The following SASH1 variants were observed in gnomAD, a reference collection of about 807,000 sequenced individuals.
SASH1 encodes the protein SAM and SH3 domain containing 1, also known as SAM and SH3 domain-containing protein 1.
A neutral mutation model predicts 125.2 loss-of-function variants in SASH1; 44 were observed. That is an observed-to-expected ratio of 0.35 (90% CI 0.28 to 0.45). The LOEUF (loss-of-function observed/expected upper bound fraction) is 0.45, where lower values mean the gene tolerates loss of function less well. SASH1 is among the 20% of genes least tolerant of loss of function. SASH1 has a pLI of 1.00. For synonymous variants in SASH1, 639 were observed against 649.1 expected (o/e 0.98, Z 0.24); for missense variants, 1,426 against 1,614.5 (o/e 0.88, Z 2.00).
the SASH1 span, among the ~76,000 whole-genome samples, chr6:148,197,028 C>T: frequency 6.6e-6 from 1 of 152,254 alleles, no homozygotes; most frequent in South Asian, 2.1e-4. Flanking sequence ...TGGAGCAGAT[C>T]CTGGAGAGTC....
chr6:148,321,484 A>C (rs533179096), intron 1 of SASH1, among the ~76,000 whole-genome samples: 1 of 152,172 alleles, frequency 6.6e-6, no homozygotes, highest in East Asian at 1.9e-4. Context: ...AAACAGAGGA[A>C]CCCCTGAGAT....
intron 1 of SASH1, 97 bp downstream of exon 1, chr6:148,343,320 A>G: frequency 8.3e-7 from 1 of 1,205,346 alleles, no homozygotes; most frequent in Non-Finnish European, 1.2e-6. Context: ...TGGGCAACCC[A>G]CTCCGCAGAG....
Position 148,548,706 on chromosome 6 carries a change from A to G in SASH1, c.*148A>G. ...GCCAAACAGCGTGAAACCTTGGCAC[A>G]GGACTGAGGATCCTCTCCTCCAGAA... is the stretch of plus-strand genomic sequence containing the variant. On this transcript the variant is annotated 3_prime_UTR_variant, in exon 20 of 20. Transcript: ENST00000367467. 1 of 853,280 alleles carries G rather than the reference A, an allele frequency of 1.2e-6. No individual in the cohort carries two copies. The highest frequency in any genetic ancestry group is 2.3e-5 in the South Asian group (1 of 43,568). 52.9% of individuals were successfully genotyped at this position (853,280 alleles called of 1,614,324 possible). A position where few individuals can be genotyped will look rare whatever the true frequency, so the allele number is the denominator to read the frequency against.
the SASH1 span, among the ~76,000 whole-genome samples, chr6:148,226,888 C>T: frequency 2.6e-5 from 4 of 152,240 alleles, no homozygotes; most frequent in East Asian, 3.9e-4. Context: ...ACAACACTCA[C>T]GATCAAAGAC....
the SASH1 span, among the ~76,000 whole-genome samples, chr6:148,205,911 C>T: frequency 6.6e-6 from 1 of 152,150 alleles, no homozygotes; most frequent in Non-Finnish European, 1.5e-5. Flanking sequence ...TGCAGCTGAG[C>T]GAGCTCTATC....
chr6:148,287,695 G>GT (rs879657198), intron 1 of SASH1, among the ~76,000 whole-genome samples: 60,747 of 147,082 alleles, frequency 0.41, 12,515 homozygotes, highest in African/African-American at 0.51. Context: ...GCGTGTGTGT[G>GT]GGGGGGTGGG....
intron 2 of SASH1, among the ~76,000 whole-genome samples, chr6:148,401,279 G>T (rs1428599420): frequency 6.6e-6 from 1 of 151,734 alleles, no homozygotes; most frequent in African/African-American, 2.4e-5. Flanking sequence ...AATTGATGCG[G>T]TCACATCAGT....
At chr6:148,215,389 C>A in the SASH1 span, among the ~76,000 whole-genome samples, 1 of 152,158 alleles carries the variant, frequency 6.6e-6, no homozygotes, top group African/African-American at 2.4e-5. Flanking sequence ...ATCTATGTCC[C>A]ACTGAGGCAG....
In SASH1 at chr6:148,431,174, T is replaced by C. The variant is rs866223479; in HGVS notation, c.286-9010T>C. Among the ~76,000 whole-genome samples, 14 of 151,832 alleles carry C rather than the reference T, an allele frequency of 9.2e-5. No homozygotes were observed. In the South Asian group the frequency reaches 1.0e-3, roughly 11 times the overall value. ...CAGTAGCTTTGGGCAGCTGATTTAGTGGGGAGTGAGAAGACTCCTAAGACA... is the reference window on the plus strand; with the variant it reads ...CAGTAGCTTTGGGCAGCTGATTTAGCGGGGAGTGAGAAGACTCCTAAGACA... On this transcript the variant is annotated intron_variant, in intron 2 of 19. Coordinates refer to ENST00000367467, the MANE Select transcript of SASH1 (RefSeq NM_015278.5).
At chr6:148,254,420 T>A in the SASH1 span, among the ~76,000 whole-genome samples, 1 of 152,160 alleles carries the variant, frequency 6.6e-6, no homozygotes, top group African/African-American at 2.4e-5. Flanking sequence ...AGGATTGGAA[T>A]GTAGTGCATT....
chr6:148,525,323 G>T lies in SASH1; in HGVS notation c.1242G>T (p.Thr414=), dbSNP rs373832720. 1.2e-6 allele frequency: 2 copies of T among 1,614,042 alleles called. No individual in the cohort carries two copies. The highest frequency in any genetic ancestry group is 1.6e-4 in the Middle Eastern group (1 of 6,062). The change falls in exon 11 of 20, where the codon ACG becomes ACT. Residue 414 remains threonine (T), a synonymous_variant. Coordinates refer to ENST00000367467, the MANE Select transcript of SASH1 (RefSeq NM_015278.5). ...GCAGTTTTGGAGGATTTGACTTGAC[G>T]AATCGCTCTCTGCACGTTGGCAGTA... ...RTCSFGGFDL[T]NRSLHVGSNN...
intron 2 of SASH1, among the ~76,000 whole-genome samples, chr6:148,413,632 T>C (rs1275166983): frequency 6.6e-6 from 1 of 152,204 alleles, no homozygotes; most frequent in Non-Finnish European, 1.5e-5. Flanking sequence ...CCTAGCTTGA[T>C]GTGTGGCCTG....
chr6:148,473,257 A>T (rs1055776956), intron 6 of SASH1, among the ~76,000 whole-genome samples: 6 of 151,646 alleles, frequency 4.0e-5, no homozygotes, highest in African/African-American at 9.7e-5. Context: ...TTATTTATTT[A>T]TTTTTTTTGT....
chr6:148,506,179 GAGTTAATAATAAGGC>G (rs1779790552), intron 8 of SASH1, among the ~76,000 whole-genome samples: 1 of 151,630 alleles, frequency 6.6e-6, no homozygotes, highest in African/African-American at 2.4e-5. Context: ...GAAGACTGCA[GAGTTAATAATAAGGC>G]TGGGCTTGGT....
chr6:148,376,829 C>T (rs1782916087), intron 1 of SASH1, among the ~76,000 whole-genome samples: 3 of 151,992 alleles, frequency 2.0e-5, no homozygotes, highest in African/African-American at 4.8e-5. Context: ...GGTTGCAGCA[C>T]TGCATTCCAG....
At chr6:148,362,283 C>T (rs1428679205) in intron 1 of SASH1, among the ~76,000 whole-genome samples, 2 of 150,576 alleles carry the variant, frequency 1.3e-5, no homozygotes, top group Admixed American at 1.3e-4. Context: ...AGTGCAGTGG[C>T]GCCATCTTGG....
At chr6:148,233,431 CTCT>C in the SASH1 span, among the ~76,000 whole-genome samples, 2 of 151,990 alleles carry the variant, frequency 1.3e-5, no homozygotes, top group Non-Finnish European at 2.9e-5. Context: ...TCTTCTTTCT[CTCT>C]TTTTATTCTT....
chr6:148,476,274 C>CA (rs35854127), intron 7 of SASH1, among the ~76,000 whole-genome samples: 24,217 of 88,030 alleles, frequency 0.28, 4,090 homozygotes, highest in African/African-American at 0.49. Context: ...AAAAGGACAC[C>CA]AAAAAAAAAA....
At chr6:148,414,259 A>G (rs554094133) in intron 2 of SASH1, among the ~76,000 whole-genome samples, 13 of 152,146 alleles carry the variant, frequency 8.5e-5, no homozygotes, top group Admixed American at 3.9e-4. Context: ...GCGTGTTCCC[A>G]TATGTATATT....
Sources: allele counts gnomAD v4.1 joint callset (sites outside exome capture counted in the v4.1 genomes callset), GRCh38; gene constraint gnomAD v4.1.1; transcripts MANE v1.5; gene names NCBI Gene and HGNC (gene_info 2026-07-23, HGNC 2026-07-21).